CAST: variants seen among roughly 807,000 people sequenced by gnomAD.
CAST encodes the protein MIR583 host.
In CAST, 76 loss-of-function variants were observed where a neutral mutation model predicts 119.6. That is an observed-to-expected ratio of 0.64 (90% CI 0.53 to 0.77). The LOEUF is 0.77. Among genes scored for constraint, CAST ranks in the 30% least tolerant of loss-of-function variants. The probability of loss-of-function intolerance (pLI) is 0.00; values close to 1 mark genes in which losing one functional copy is unlikely to be tolerated. For synonymous variants in CAST, 319 were observed against 331.6 expected (o/e 0.96, Z 0.41); for missense variants, 953 against 946.5 (o/e 1.01, Z -0.09).
At chr5:96,030,560 C>A in the CAST span, among the ~76,000 whole-genome samples, 3 of 152,096 alleles carry the variant, frequency 2.0e-5, no homozygotes, top group African/African-American at 4.8e-5. Flanking sequence ...GGACAGCAAG[C>A]AAGCAATATT....
At chr5:96,551,303 T>C (rs537894289) in intron 1 of CAST, among the ~76,000 whole-genome samples, 1 of 152,342 alleles carries the variant, frequency 6.6e-6, no homozygotes, top group East Asian at 1.9e-4. Context: ...CAGAATTTCA[T>C]ATCCAGCCAA....
At chr5:96,298,524 A>G in the CAST span, among the ~76,000 whole-genome samples, 10 of 152,208 alleles carry the variant, frequency 6.6e-5, no homozygotes, top group African/African-American at 2.2e-4. Flanking sequence ...TGAAGTCCAA[A>G]TAAGTTATTA....
At chr5:96,677,516 C>T (rs570354264) in intron 2 of CAST, among the ~76,000 whole-genome samples, 1 of 152,280 alleles carries the variant, frequency 6.6e-6, no homozygotes, top group East Asian at 1.9e-4. Flanking sequence ...TTATAAGAGG[C>T]AGACTTTGAT....
At chr5:96,732,173 T>A (rs1760667610) in intron 9 of CAST, among the ~76,000 whole-genome samples, 1 of 141,650 alleles carries the variant, frequency 7.1e-6, no homozygotes, top group East Asian at 2.1e-4. Flanking sequence ...TGTTGTTTCC[T>A]GACTTTTGAA....
At chr5:96,377,670 A>G in the CAST span, among the ~76,000 whole-genome samples, 2 of 152,108 alleles carry the variant, frequency 1.3e-5, no homozygotes, top group African/African-American at 4.8e-5. Context: ...GCCTAATGAC[A>G]TATTTCTTAG....
intron 3 of CAST, among the ~76,000 whole-genome samples, chr5:96,704,072 C>T (rs1754450520): frequency 6.6e-6 from 1 of 152,156 alleles, no homozygotes; most frequent in African/African-American, 2.4e-5. Flanking sequence ...AAAGGCCACA[C>T]CTGTAGACTG....
At chr5:96,553,789 T>G (rs6890513) in intron 1 of CAST, among the ~76,000 whole-genome samples, 27,050 of 152,066 alleles carry the variant, frequency 0.18, 2,766 homozygotes, top group East Asian at 0.28. Flanking sequence ...AATCATGAGT[T>G]AACTCCCATT....
chr5:96,400,239 C>T, the CAST span: 3 of 1,251,906 alleles, frequency 2.4e-6, no homozygotes, highest in Non-Finnish European at 3.5e-6. Context: ...AGTTTCCTTG[C>T]AAAAGCAAGT....
At chr5:96,064,575 C>G in the CAST span, among the ~76,000 whole-genome samples, 4 of 151,868 alleles carry the variant, frequency 2.6e-5, no homozygotes, top group Non-Finnish European at 5.9e-5. Context: ...GTGCCTAAAC[C>G]CTGACCATGA....
intron 1 of CAST, chr5:96,584,742 A>T (rs139065196): frequency 8.4e-4 from 128 of 152,328 alleles, no homozygotes; most frequent in African/African-American, 2.9e-3. Context: ...GTTAAACTCA[A>T]ACTTCCCAGG....
chr5:96,009,971 A>G, the CAST span, among the ~76,000 whole-genome samples: 1 of 152,146 alleles, frequency 6.6e-6, no homozygotes, highest in Non-Finnish European at 1.5e-5. Context: ...ATTTTTGTAT[A>G]TGGTGAAAGG....
chr5:96,191,570 T>C, the CAST span, among the ~76,000 whole-genome samples: 1 of 152,164 alleles, frequency 6.6e-6, no homozygotes, highest in East Asian at 1.9e-4. Flanking sequence ...CACTAGCAAA[T>C]AAACTGTGAG....
At chr5:96,054,759 T>G in the CAST span, among the ~76,000 whole-genome samples, 1 of 152,182 alleles carries the variant, frequency 6.6e-6, no homozygotes, top group Non-Finnish European at 1.5e-5. Context: ...GCATTTTCCT[T>G]CTAATATCTA....
In CAST at chr5:96,560,252, G is replaced by C. The variant is rs538273750; in HGVS notation, c.60+30372G>C. ...ATGTTAGACCTAAAACCATAAAAAT[G>C]CTAGAAGAAAACCTAGGCAATACCG... On this transcript the variant is annotated intron_variant, in intron 1 of 11. Transcript: ENST00000505143. Among the ~76,000 whole-genome samples, 8 of 151,836 alleles carry C rather than the reference G, an allele frequency of 5.3e-5. No homozygotes were observed. The South Asian group carries it at 1.0e-3, about 20-fold the overall frequency.
the CAST span, among the ~76,000 whole-genome samples, chr5:96,161,419 C>T: frequency 6.6e-6 from 1 of 152,088 alleles, no homozygotes; most frequent in Admixed American, 6.6e-5. Flanking sequence ...GATCTTGGCA[C>T]CTCTGTTGAA....
chr5:96,549,311 G>C (rs1206932404), intron 1 of CAST, among the ~76,000 whole-genome samples: 1 of 152,210 alleles, frequency 6.6e-6, no homozygotes, highest in Non-Finnish European at 1.5e-5. Context: ...TGGAGGAATA[G>C]TGATTATTCC....
At chr5:96,300,722 C>T in the CAST span, among the ~76,000 whole-genome samples, 635 of 151,986 alleles carry the variant, frequency 4.2e-3, 4 homozygotes, top group African/African-American at 0.014. Flanking sequence ...TCTTTCTATC[C>T]ATGAACGTGG....
chr5:96,676,340 G>C (rs1233531732), intron 2 of CAST, among the ~76,000 whole-genome samples: 1 of 152,058 alleles, frequency 6.6e-6, no homozygotes, highest in Non-Finnish European at 1.5e-5. Context: ...ATTTTAAAAG[G>C]TACATGGAAA....
At chr5:96,261,286 T>G in the CAST span, among the ~76,000 whole-genome samples, 6 of 152,318 alleles carry the variant, frequency 3.9e-5, no homozygotes, top group Admixed American at 3.3e-4. Flanking sequence ...CTCCAAAGTC[T>G]GAGAAAGCTA....
Sources: allele counts gnomAD v4.1 joint callset (sites outside exome capture counted in the v4.1 genomes callset), GRCh38; gene constraint gnomAD v4.1.1; transcripts MANE v1.5; gene names NCBI Gene and HGNC (gene_info 2026-07-23, HGNC 2026-07-21).